SGCD: variants seen among roughly 807,000 people sequenced by gnomAD.
SGCD encodes the protein sarcoglycan delta, also known as delta-sarcoglycan.
In SGCD, 18 loss-of-function variants were observed where a neutral mutation model predicts 36.6. The ratio of observed to expected loss-of-function variants is 0.49; its 90% CI spans 0.34 to 0.73. The LOEUF (loss-of-function observed/expected upper bound fraction) is 0.73. SGCD is among the 30% of genes least tolerant of loss of function. The pLI is 0.01. For synonymous variants in SGCD, 133 were observed against 130.6 expected (o/e 1.02, Z -0.12); for missense variants, 387 against 346.7 (o/e 1.12, Z -0.92).
At chr5:155,916,196 C>A (rs190992488) in intron 1 of SGCD, among the ~76,000 whole-genome samples, 4 of 152,068 alleles carry the variant, frequency 2.6e-5, no homozygotes, top group African/African-American at 9.6e-5. Context: ...TTCCCATGAG[C>A]CTTTTTTGTA....
intron 4 of SGCD, among the ~76,000 whole-genome samples, chr5:156,510,668 C>CA (rs1476509283): frequency 6.6e-6 from 1 of 151,882 alleles, no homozygotes; most frequent in Non-Finnish European, 1.5e-5. Flanking sequence ...GGGAGTCATA[C>CA]AAAAATAGGC....
chr5:156,518,885 C>T (rs767160634), intron 4 of SGCD, among the ~76,000 whole-genome samples: 1 of 152,128 alleles, frequency 6.6e-6, no homozygotes, highest in Non-Finnish European at 1.5e-5. Flanking sequence ...CACTAAGTGT[C>T]TGCATCAGAA....
chr5:156,130,175 T>C (rs1762281021), intron 3 of SGCD, among the ~76,000 whole-genome samples: 1 of 152,238 alleles, frequency 6.6e-6, no homozygotes, highest in South Asian at 2.1e-4. Flanking sequence ...TTTTTAGTAA[T>C]AGCCATTCTG....
intron 3 of SGCD, among the ~76,000 whole-genome samples, chr5:156,409,212 C>T (rs1311730857): frequency 1.3e-5 from 2 of 152,122 alleles, no homozygotes; most frequent in African/African-American, 4.8e-5. Flanking sequence ...TAATTCACTC[C>T]TTAACCTGCT....
At chr5:155,869,210 C>G (rs1468304042), upstream of SGCD, among the ~76,000 whole-genome samples, 1 of 152,110 alleles carries the variant, frequency 6.6e-6, no homozygotes, top group African/African-American at 2.4e-5. Context: ...TTACTAGAAG[C>G]AACCCTACTT....
chr5:156,330,031 A>C (rs188908894), intron 2 of SGCD, among the ~76,000 whole-genome samples: 9 of 151,244 alleles, frequency 6.0e-5, no homozygotes, highest in African/African-American at 2.2e-4. Context: ...AAAAAAAAAA[A>C]AAAAAAAAAT....
At chr5:156,182,089 A>ATGCAG (rs1763623927) in intron 3 of SGCD, among the ~76,000 whole-genome samples, 1 of 152,226 alleles carries the variant, frequency 6.6e-6, no homozygotes, top group South Asian at 2.1e-4. Flanking sequence ...GTCAGATTCA[A>ATGCAG]TGCAGTCCTA....
intron 3 of SGCD, among the ~76,000 whole-genome samples, chr5:156,138,388 G>A (rs28622493): frequency 0.034 from 5,225 of 152,200 alleles, 291 homozygotes; most frequent in African/African-American, 0.12. Context: ...GCAACAGAGC[G>A]AGACTTCATC....
chr5:156,383,961 C>T (rs1771134179), intron 3 of SGCD, among the ~76,000 whole-genome samples: 1 of 152,208 alleles, frequency 6.6e-6, no homozygotes, highest in Admixed American at 6.5e-5. Context: ...CTGAGCTTGA[C>T]TGAATGTCAA....
intron 4 of SGCD, among the ~76,000 whole-genome samples, chr5:156,585,152 G>C (rs1290915585): frequency 6.6e-6 from 1 of 152,076 alleles, no homozygotes; most frequent in Non-Finnish European, 1.5e-5. Flanking sequence ...AAAATGGACT[G>C]TTTCCCAGCT....
intron 1 of SGCD, among the ~76,000 whole-genome samples, chr5:155,883,793 C>CAAAAAAAAAAA (rs34250962): frequency 1.4e-4 from 12 of 83,512 alleles, no homozygotes; most frequent in Non-Finnish European, 1.8e-4. Context: ...CTTCAATTTG[C>CAAAAAAAAAAA]AAAAAAAAAA....
chr5:156,444,062 CCTT>C (rs1263928203), intron 3 of SGCD, among the ~76,000 whole-genome samples: 2 of 124,750 alleles, frequency 1.6e-5, no homozygotes, highest in South Asian at 2.7e-4. Flanking sequence ...CTCTTTCTCT[CCTT>C]CTCTCTCTCT....
intron 4 of SGCD, among the ~76,000 whole-genome samples, chr5:156,516,614 A>G (rs1413573074): frequency 6.6e-6 from 1 of 152,224 alleles, no homozygotes; most frequent in Non-Finnish European, 1.5e-5. Context: ...CATCTCCTCC[A>G]AATGATTGCA....
chr5:156,438,269 C>A (rs556449083), intron 3 of SGCD, among the ~76,000 whole-genome samples: 2 of 152,084 alleles, frequency 1.3e-5, no homozygotes, highest in Non-Finnish European at 2.9e-5. Context: ...GCTTTTCTGG[C>A]GGTTTTGACC....
At chr5:156,694,224 C>G (rs952756407) in intron 7 of SGCD, among the ~76,000 whole-genome samples, 1 of 152,170 alleles carries the variant, frequency 6.6e-6, no homozygotes, top group African/African-American at 2.4e-5. Context: ...CCTTCTCACC[C>G]AGGTCACTGT....
intron 6 of SGCD, among the ~76,000 whole-genome samples, chr5:156,631,941 A>G (rs1467733309): frequency 2.0e-5 from 3 of 152,162 alleles, no homozygotes; most frequent in Non-Finnish European, 4.4e-5. Flanking sequence ...ATAATGAATT[A>G]TTTAGGGTAT....
At chr5:156,648,702 A>G (rs1336387276) in intron 7 of SGCD, among the ~76,000 whole-genome samples, 1 of 152,196 alleles carries the variant, frequency 6.6e-6, no homozygotes, top group Non-Finnish European at 1.5e-5. Context: ...TAGCATAACT[A>G]TCTTCAGCAG....
At chr5:155,869,762 A>G (rs576310192), upstream of SGCD, among the ~76,000 whole-genome samples, 2 of 151,976 alleles carry the variant, frequency 1.3e-5, no homozygotes, top group Non-Finnish European at 2.9e-5. Flanking sequence ...GAACTTTGAG[A>G]GGCCAAGGTG....
chr5:156,307,392 G>A (rs367733105), intron 3 of SGCD, among the ~76,000 whole-genome samples: 5 of 152,106 alleles, frequency 3.3e-5, no homozygotes, highest in East Asian at 1.9e-4. Flanking sequence ...AATGTCAAAT[G>A]TGTAAATCAG....
Sources: allele counts gnomAD v4.1 joint callset (sites outside exome capture counted in the v4.1 genomes callset), GRCh38; gene constraint gnomAD v4.1.1; transcripts MANE v1.5; gene names NCBI Gene and HGNC (gene_info 2026-07-23, HGNC 2026-07-21).